Variants in IGSF10 observed in about 807,000 individuals in gnomAD.
IGSF10 encodes the protein calvaria mechanical force protein 608.
A neutral mutation model predicts 128.2 loss-of-function variants in IGSF10; 126 were observed. The ratio of observed to expected loss-of-function variants is 0.98; its 90% CI spans 0.85 to 1.14. The LOEUF is 1.14. Among genes scored for constraint, IGSF10 ranks in the 50% most tolerant of loss-of-function variants. IGSF10 has a pLI of 0.00. For synonymous variants in IGSF10, 1,185 were observed against 1,146.2 expected, an observed-to-expected ratio of 1.03 and a Z score of -0.68; for missense variants, 3,295 against 3,149.8, an observed-to-expected ratio of 1.05 and a Z score of -1.10.
In IGSF10 at chr3:151,446,623, C is replaced by T. The variant is rs1721208054; in HGVS notation, c.3358G>A (p.Glu1120Lys). Residue 1120 changes from glutamate to lysine, a missense_variant, in exon 6 of 8, where the codon GAG (glutamate) becomes AAG (lysine). Coordinates refer to ENST00000282466, the MANE Select transcript of IGSF10 (RefSeq NM_178822.5). ...TATTTTATTGTGGGTGTTGTTTTCT[C>T]TACACTGGGTTTGTTCTCAAGTAGT... ...LLLLENKPSV[E>K]KTTPTIKYFR... 6.2e-7 allele frequency: 1 copy of T among 1,614,110 alleles called. No individual in the cohort carries two copies. Among genetic ancestry groups the T allele is most frequent in the East Asian group, 2.2e-5 (1 of 44,886 alleles).
chr3:151,598,794 G>A, the IGSF10 span, among the ~76,000 whole-genome samples: 2 of 152,238 alleles, frequency 1.3e-5, no homozygotes, highest in South Asian at 4.2e-4. Flanking sequence ...GTACAAGTTT[G>A]GGACATTGTT....
At chr3:151,501,934 T>C in the IGSF10 span, among the ~76,000 whole-genome samples, 1 of 152,092 alleles carries the variant, frequency 6.6e-6, no homozygotes. Flanking sequence ...CTCAGCATGT[T>C]TCTGTTTATT....
the IGSF10 span, among the ~76,000 whole-genome samples, chr3:151,469,791 G>T: frequency 2.0e-5 from 3 of 152,104 alleles, no homozygotes; most frequent in African/African-American, 7.2e-5. Context: ...ATTAAACAAG[G>T]ACTCATACTC....
chr3:151,618,735 AAAAT>A, the IGSF10 span, among the ~76,000 whole-genome samples: 3 of 150,978 alleles, frequency 2.0e-5, no homozygotes, highest in Non-Finnish European at 3.0e-5. Context: ...ATCTCAAAAA[AAAAT>A]AAAAAATAAA....
chr3:151,510,128 T>C, the IGSF10 span, among the ~76,000 whole-genome samples: 8 of 152,332 alleles, frequency 5.3e-5, no homozygotes, highest in South Asian at 1.4e-3. Context: ...AAGAGAGTAG[T>C]GGTTCTCCCA....
Position 151,445,876 on chromosome 3 carries a change from T to C in IGSF10, c.4105A>G (p.Thr1369Ala). 1 of 1,614,204 alleles carries C rather than the reference T, an allele frequency of 6.2e-7. No individual in the cohort carries two copies. The highest frequency in any genetic ancestry group is 8.5e-7 in the Non-Finnish European group (1 of 1,180,032). ...GGAGGTGTCATAGCAGTGGGTGTAG[T>C]GAAGCCAGAACTCTGGTCTGGAGAG... ...NISPDQSSGFTTPTAMTPPVL... is the reference protein window; with the variant it reads ...NISPDQSSGFATPTAMTPPVL... The change falls in exon 6 of 8, where the codon ACT (threonine) becomes GCT (alanine). Residue 1369 changes from threonine to alanine, a missense_variant. Thr to Ala is a moderately conservative substitution (Grantham distance 58). Coordinates refer to ENST00000282466, the MANE Select transcript of IGSF10 (RefSeq NM_178822.5).
chr3:151,448,645 T>A lies in IGSF10; in HGVS notation c.1336A>T (p.Ser446Cys), dbSNP rs895015948. ...LQLNRTATTF[S>C]TLQIQYSSDA... ...CTGGAGTACTGGATCTGTAATGTAC[T>A]GAATGTGGTGGCAGTTCTGTTCAGC... Residue 446 changes from serine to cysteine, a missense_variant, in exon 6 of 8, where the codon AGT (serine) becomes TGT (cysteine). Ser to Cys is a moderately radical substitution (Grantham distance 112). Coordinates refer to ENST00000282466, the MANE Select transcript of IGSF10 (RefSeq NM_178822.5). 1.9e-6 allele frequency: 3 copies of A among 1,614,114 alleles called. No individual in the cohort carries two copies. In the Admixed American group the frequency reaches 5.0e-5, roughly 27 times the overall value.
the IGSF10 span, among the ~76,000 whole-genome samples, chr3:151,526,258 G>A: frequency 6.6e-6 from 1 of 152,074 alleles, no homozygotes; most frequent in Non-Finnish European, 1.5e-5. Context: ...CTATTGGATT[G>A]TCTAAGGCTG....
the IGSF10 span, among the ~76,000 whole-genome samples, chr3:151,496,866 C>A: frequency 6.6e-6 from 1 of 151,956 alleles, no homozygotes; most frequent in Non-Finnish European, 1.5e-5. Context: ...TTAATGATTG[C>A]CATTCTAACT....
chr3:151,445,183 G>C lies in IGSF10; in HGVS notation c.4798C>G (p.Leu1600Val). The C allele has an allele frequency of 2.5e-6, 4 of 1,614,236 alleles. No homozygotes were observed. The highest frequency in any genetic ancestry group is 3.4e-6 in the Non-Finnish European group (4 of 1,180,048). Residue 1600 changes from leucine (L) to valine (V), a missense_variant, in exon 6 of 8, where the codon CTG becomes GTG. Transcript: ENST00000282466. The part of the protein sequence containing the change: ...PEVSMLATTG[L>V]SEATTLVSDW... ...GAAACAAGAGTGGTGGCCTCGGACAGGCCTGTAGTAGCCAACATGCTTACT... is the reference window on the plus strand; with the variant it reads ...GAAACAAGAGTGGTGGCCTCGGACACGCCTGTAGTAGCCAACATGCTTACT...
chr3:151,494,309 A>T, the IGSF10 span, among the ~76,000 whole-genome samples: 1 of 152,206 alleles, frequency 6.6e-6, no homozygotes, highest in Non-Finnish European at 1.5e-5. Flanking sequence ...AACATCTTCT[A>T]AATATAACTA....
At chr3:151,480,700 C>T in the IGSF10 span, among the ~76,000 whole-genome samples, 1 of 151,882 alleles carries the variant, frequency 6.6e-6, no homozygotes, top group Non-Finnish European at 1.5e-5. Flanking sequence ...ATAGCTGCTG[C>T]TATACCCTGA....
rs765361967 is a variant in IGSF10 at position 151,437,614 on chromosome 3, C to T, written c.6947G>A (p.Arg2316Gln). The part of the protein sequence containing the change: ...SDSADFICVA[R>Q]NEGGESVLVV... ...CAACACGCTCTCTCCACCTTCATTT[C>T]GGGCCACACAGATAAAGTCGGCTGA... The change falls in exon 8 of 8, where the codon CGA (arginine) becomes CAA (glutamine). Residue 2316 changes from arginine (R) to glutamine (Q), a missense_variant. Transcript: ENST00000282466. The T allele has an allele frequency of 9.9e-6, 16 of 1,614,072 alleles. No individual in the cohort carries two copies. The highest frequency in any genetic ancestry group is 4.4e-5 in the South Asian group (4 of 91,088).
the IGSF10 span, among the ~76,000 whole-genome samples, chr3:151,533,819 T>C: frequency 0.46 from 70,159 of 152,040 alleles, 16,670 homozygotes; most frequent in African/African-American, 0.56. Flanking sequence ...CTAATTAAAC[T>C]AATAAGCTAC....
Position 151,448,477 on chromosome 3 carries a change from C to G in IGSF10, c.1504G>C (p.Asp502His). The G allele has an allele frequency of 6.2e-7, 1 of 1,614,216 alleles. No individual in the cohort carries two copies. Among genetic ancestry groups the G allele is most frequent in the Non-Finnish European group, 8.5e-7 (1 of 1,180,040 alleles). The change falls in exon 6 of 8, where the codon GAC becomes CAC. Residue 502 changes from aspartate (D) to histidine (H), a missense_variant. By Grantham distance (81) the Asp-to-His change is moderately conservative. Coordinates refer to ENST00000282466, the MANE Select transcript of IGSF10 (RefSeq NM_178822.5). ...AGCCAATCCACGTGTGGGGTGGGGT[C>G]TCCTTGGCCTGGGCAGTTCAGGCCA... ...TVGLNCPGQGDPTPHVDWLLA... is the reference protein window; with the variant it reads ...TVGLNCPGQGHPTPHVDWLLA...
chr3:151,518,724 C>T, the IGSF10 span, among the ~76,000 whole-genome samples: 2 of 151,948 alleles, frequency 1.3e-5, no homozygotes, highest in African/African-American at 4.8e-5. Flanking sequence ...ATAAATATTT[C>T]CTATGTAAGT....
At chr3:151,546,785 T>C in the IGSF10 span, among the ~76,000 whole-genome samples, 1 of 152,186 alleles carries the variant, frequency 6.6e-6, no homozygotes. Context: ...TTTCTTTTTT[T>C]TGAGACGAAG....
At chr3:151,525,412 CTG>C in the IGSF10 span, among the ~76,000 whole-genome samples, 3 of 152,144 alleles carry the variant, frequency 2.0e-5, no homozygotes, top group Non-Finnish European at 4.4e-5. Context: ...AGTTTCCTAA[CTG>C]TATTAATTTC....
the IGSF10 span, among the ~76,000 whole-genome samples, chr3:151,619,385 G>A: frequency 1.5e-4 from 22 of 150,676 alleles, no homozygotes; most frequent in Non-Finnish European, 2.7e-4. Flanking sequence ...AAGAGAAAAA[G>A]CAAATTATAA....
Sources: allele counts gnomAD v4.1 joint callset (sites outside exome capture counted in the v4.1 genomes callset), GRCh38; gene constraint gnomAD v4.1.1; transcripts MANE v1.5; gene names NCBI Gene and HGNC (gene_info 2026-07-23, HGNC 2026-07-21).